Variants in ARMC7 observed in about 807,000 individuals in gnomAD.
The protein encoded by ARMC7 is armadillo repeat-containing protein 7.
In ARMC7, 9 loss-of-function variants were observed where a neutral mutation model predicts 14.8. The ratio of observed to expected loss-of-function variants is 0.61; its 90% CI spans 0.37 to 1.06. ARMC7 has a LOEUF of 1.06. ARMC7 is among the 50% of genes least tolerant of loss of function. The pLI, the probability that ARMC7 is intolerant of heterozygous loss-of-function variation, is 0.01. For missense variants in ARMC7, 262 were observed against 267.1 expected (o/e 0.98, Z 0.13); for synonymous variants, 125 against 123.4 (o/e 1.01, Z -0.09).
At chr17:75,117,687 A>G (rs954376293) in intron 2 of ARMC7, among the ~76,000 whole-genome samples, 5 of 152,220 alleles carry the variant, frequency 3.3e-5, no homozygotes, top group East Asian at 1.9e-4. Context: ...ACCTGTGGGC[A>G]TGTCCTCCAG....
intron 2 of ARMC7, among the ~76,000 whole-genome samples, chr17:75,117,626 G>A (rs1280425781): frequency 2.0e-5 from 3 of 152,212 alleles, no homozygotes; most frequent in East Asian, 1.9e-4. Context: ...GGTTAAGGAG[G>A]TGAAGCTTTG....
intron 2 of ARMC7, among the ~76,000 whole-genome samples, chr17:75,120,373 T>C (rs959882701): frequency 6.6e-6 from 1 of 152,162 alleles, no homozygotes; most frequent in African/African-American, 2.4e-5. Flanking sequence ...CTCTTTTGCC[T>C]CTCCAGGGTT....
chr17:75,113,995 A>G (rs2073953372), intron 2 of ARMC7, among the ~76,000 whole-genome samples: 1 of 152,238 alleles, frequency 6.6e-6, no homozygotes, highest in Admixed American at 6.5e-5. Flanking sequence ...TTACTGCCCC[A>G]CAGAGGACCA....
chr17:75,127,187 A>G (rs1188138510), intron 2 of ARMC7, among the ~76,000 whole-genome samples: 1 of 152,188 alleles, frequency 6.6e-6, no homozygotes, highest in East Asian at 1.9e-4. Flanking sequence ...CAGACTGGAC[A>G]ACATAGGGAG....
Position 75,110,468 on chromosome 17 carries a change from A to G in ARMC7, c.97A>G (p.Lys33Glu), listed in dbSNP as rs1568013093. 1 of 1,614,238 alleles carries G rather than the reference A, an allele frequency of 6.2e-7. No homozygotes were observed. Among genetic ancestry groups the G allele is most frequent in the Non-Finnish European group, 8.5e-7 (1 of 1,180,036 alleles). Residue 33 changes from lysine to glutamate, a missense_variant, in exon 2 of 3, where the codon AAG (lysine) becomes GAG (glutamate). Lys to Glu is a moderately conservative substitution (Grantham distance 56). Transcript: ENST00000245543. ...EFQETQSQDA[K>E]EQVLANLANF... is the part of the protein sequence containing the mutation. The stretch of plus-strand genomic sequence containing the variant: ...GTGCCGCTTTCCCGTTGCAGACGCC[A>G]AGGAGCAAGTCCTCGCCAACCTCGC...
At chr17:75,124,274 C>T (rs1156548625) in intron 2 of ARMC7, among the ~76,000 whole-genome samples, 2 of 152,180 alleles carry the variant, frequency 1.3e-5, no homozygotes, top group African/African-American at 4.8e-5. Context: ...CGGAGAGGGT[C>T]CAAGCAGCTG....
chr17:75,129,088 C>A lies in ARMC7; in HGVS notation c.*50C>A. 1 of 1,545,940 alleles carries A rather than the reference C, an allele frequency of 6.5e-7. No homozygotes were observed. The highest frequency in any genetic ancestry group is 8.7e-7 in the Non-Finnish European group (1 of 1,151,952). On this transcript the variant is annotated 3_prime_UTR_variant, in exon 3 of 3. Coordinates refer to ENST00000245543, the MANE Select transcript of ARMC7 (RefSeq NM_024585.4). Reference sequence around the variant, plus strand: ...CACCCCTACTGCTGGAGACCACAGTCCTGATGTGGACGCAGGGAACGGGGA... The same window carrying A: ...CACCCCTACTGCTGGAGACCACAGTACTGATGTGGACGCAGGGAACGGGGA...
In ARMC7 at chr17:75,128,723, C is replaced by T. The variant is rs368397295; in HGVS notation, c.282C>T (p.Ile94=). The change falls in exon 3 of 3, where the codon ATC becomes ATT. Residue 94 remains isoleucine (I), a synonymous_variant. Transcript: ENST00000245543. Reference sequence around the variant, plus strand: ...CAGACAGGGCCAACAAGGAGCACATCCTGCACGCAGGAGGTGTCCCACTCA... The same window carrying T: ...CAGACAGGGCCAACAAGGAGCACATTCTGCACGCAGGAGGTGTCCCACTCA... ...LCPDRANKEH[I]LHAGGVPLII... 1.2e-6 allele frequency: 2 copies of T among 1,613,480 alleles called. No homozygotes were observed. The highest frequency in any genetic ancestry group is 1.7e-6 in the Non-Finnish European group (2 of 1,180,004).
chr17:75,120,439 G>A (rs2074005201), intron 2 of ARMC7, among the ~76,000 whole-genome samples: 1 of 152,120 alleles, frequency 6.6e-6, no homozygotes, highest in Non-Finnish European at 1.5e-5. Flanking sequence ...CTTGCTTCTT[G>A]TTTTCTCTCT....
intron 2 of ARMC7, among the ~76,000 whole-genome samples, chr17:75,119,122 T>C (rs1477499303): frequency 6.9e-6 from 1 of 144,614 alleles, no homozygotes; most frequent in Non-Finnish European, 1.5e-5. Flanking sequence ...AGTTCCTCTA[T>C]GACACTGGTA....
intron 2 of ARMC7, among the ~76,000 whole-genome samples, chr17:75,123,508 C>G (rs1187622981): frequency 2.0e-5 from 3 of 151,862 alleles, no homozygotes; most frequent in Non-Finnish European, 2.9e-5. Flanking sequence ...TGCCCACCAC[C>G]GTGCCCGGCT....
Position 75,110,395 on chromosome 17 carries a change from G to T in ARMC7, c.91+16G>T. 1.2e-6 allele frequency: 2 copies of T among 1,614,136 alleles called. No individual in the cohort carries two copies. Among genetic ancestry groups the T allele is most frequent in the African/African-American group, 1.3e-5 (1 of 75,070 alleles). ...CAAAGCCAAGGTGAGAGCCACGGTG[G>T]GATCAGGTGGCAGGGTCCGCTGTGA... On this transcript the variant is annotated intron_variant, in intron 1 of 2. Transcript: ENST00000245543.
chr17:75,128,024 C>T lies in ARMC7; in HGVS notation c.236-653C>T, dbSNP rs117382557. On this transcript the variant is annotated intron_variant, in intron 2 of 2. Transcript: ENST00000245543. The stretch of plus-strand genomic sequence containing the variant: ...AAACCATCATCTTATATTTTTATAA[C>T]TTTTATAAACTGTTCTAAGGTGATG... 4.7e-4 allele frequency among the ~76,000 whole-genome samples: 72 copies of T among 152,224 alleles called. No homozygotes were observed. The East Asian group carries it at 0.014, about 29-fold the overall frequency.
Position 75,129,138 on chromosome 17 carries a change from T to A in ARMC7, c.*100T>A. ...AGCACATACTGCCCCATTGGTGCCT[T>A]TTCAGCCATCTGAAAGGCGGGTTCT... On this transcript the variant is annotated 3_prime_UTR_variant, in exon 3 of 3. Coordinates refer to ENST00000245543, the MANE Select transcript of ARMC7 (RefSeq NM_024585.4). The A allele has an allele frequency of 6.9e-7, 1 of 1,452,458 alleles. No individual in the cohort carries two copies. Among genetic ancestry groups the A allele is most frequent in the Non-Finnish European group, 9.1e-7 (1 of 1,097,984 alleles). 90.0% of individuals were successfully genotyped at this position (1,452,458 alleles called of 1,614,324 possible).
chr17:75,130,028 T>TC lies in ARMC7; in HGVS notation c.*992dup, dbSNP rs1357658459. The TC allele has an allele frequency of 1.3e-5, 2 of 157,418 alleles. No individual in the cohort carries two copies. The highest frequency in any genetic ancestry group is 3.8e-4 in the East Asian group (2 of 5,270). The allele number at this position is 157,418 out of a possible 1,614,324, so 9.8% of individuals were successfully genotyped here. On this transcript the variant is annotated 3_prime_UTR_variant, in exon 3 of 3. Transcript: ENST00000245543. ...AGGTGGAGCTCAGGGAAAATGGGGG[T>TC]CCTTGCCTCTCGTGTACCCCCTCAA...
At chr17:75,113,317 C>T (rs1036393003) in intron 2 of ARMC7, among the ~76,000 whole-genome samples, 10 of 149,468 alleles carry the variant, frequency 6.7e-5, no homozygotes, top group East Asian at 6.0e-4. Context: ...AGCCACCACA[C>T]CTGGCCCAAC....
intron 2 of ARMC7, among the ~76,000 whole-genome samples, chr17:75,124,248 G>A (rs937513351): frequency 6.6e-6 from 1 of 152,180 alleles, no homozygotes; most frequent in Non-Finnish European, 1.5e-5. Context: ...GGAGCTTCAG[G>A]AGTTCCCTGC....
chr17:75,120,506 T>C (rs1053540813), intron 2 of ARMC7, among the ~76,000 whole-genome samples: 1 of 152,052 alleles, frequency 6.6e-6, no homozygotes, highest in East Asian at 1.9e-4. Flanking sequence ...TTCTGTTTTA[T>C]AACGATTTTT....
Position 75,111,659 on chromosome 17 carries a change from GC to G in ARMC7, c.235+1055del, listed in dbSNP as rs1339694260. 4.0e-5 allele frequency among the ~76,000 whole-genome samples: 6 copies of G among 151,600 alleles called. No individual in the cohort carries two copies. In the South Asian group the frequency reaches 1.2e-3, roughly 32 times the overall value. ...AGGCTGAGGTGGGAGGATTGCTTAA[GC>G]CTGGGAGGTCAAGGCTGCAGTGAGC... On this transcript the variant is annotated intron_variant, in intron 2 of 2. Coordinates refer to ENST00000245543, the MANE Select transcript of ARMC7 (RefSeq NM_024585.4).
Sources: gnomAD v4.1 joint callset for allele counts (sites outside exome capture counted in the v4.1 genomes callset) on GRCh38, gnomAD v4.1.1 for gene constraint, MANE v1.5 for transcripts, NCBI Gene and HGNC (gene_info 2026-07-23, HGNC 2026-07-21) for gene names.